FAM135B: variants seen among roughly 807,000 people sequenced by gnomAD.
FAM135B encodes family with sequence similarity 135 member B, also known as protein FAM135B.
Under a neutral mutation model 127.7 loss-of-function variants are expected in FAM135B, and 43 were observed. The observed-to-expected ratio is 0.34, with a 90% CI of 0.26 to 0.43. The LOEUF is 0.43. FAM135B is among the 20% of genes least tolerant of loss of function. The pLI is 1.00. For missense variants in FAM135B, 1,558 were observed against 1,725.6 expected, an observed-to-expected ratio of 0.90 and a Z score of 1.72; for synonymous variants, 670 against 665.1, an observed-to-expected ratio of 1.01 and a Z score of -0.11.
intron 1 of FAM135B, among the ~76,000 whole-genome samples, chr8:138,447,171 A>G (rs1283386172): frequency 6.6e-6 from 1 of 152,100 alleles, no homozygotes; most frequent in Non-Finnish European, 1.5e-5. Context: ...GCTGGAGAGG[A>G]TGTTGAGAGA....
At chr8:138,144,559 A>G (rs1817498532) in intron 15 of FAM135B, among the ~76,000 whole-genome samples, 1 of 152,202 alleles carries the variant, frequency 6.6e-6, no homozygotes, top group Non-Finnish European at 1.5e-5. Flanking sequence ...GCCTGAGTTG[A>G]CCATGATGAG....
At position 138,396,598 on chromosome 8, in the gene FAM135B, CAAT is replaced by C. The variant is rs745357151; in HGVS notation, c.-19-28599_-19-28597del. ...TTTACAGCAATTGTGTGTATAACAACAATGATTAAAGGTAAGGACATTGAAGCC... is the reference window on the plus strand; with the variant it reads ...TTTACAGCAATTGTGTGTATAACAACGATTAAAGGTAAGGACATTGAAGCC... On this transcript the variant is annotated intron_variant, in intron 1 of 19. Coordinates refer to ENST00000395297, the MANE Select transcript of FAM135B (RefSeq NM_015912.4). 4.7e-4 allele frequency among the ~76,000 whole-genome samples: 72 copies of C among 152,258 alleles called. 1 individual carries two copies. Among genetic ancestry groups the C allele is most frequent in the East Asian group, 2.5e-3 (13 of 5,170 alleles).
rs1820892468 is a variant in FAM135B, at chr8:138,242,485, TACA to T, written c.669+454_669+456del. 6.6e-6 allele frequency among the ~76,000 whole-genome samples: 1 copy of T among 152,086 alleles called. No individual in the cohort carries two copies. The stretch of plus-strand genomic sequence containing the variant: ...ACCGGGCTAGGAACTTTACATTTAT[TACA>T]ACATTTGGGTACATATAACACTCCA... On this transcript the variant is annotated intron_variant, in intron 7 of 19. Coordinates refer to ENST00000395297, the MANE Select transcript of FAM135B (RefSeq NM_015912.4). The surrounding 1 kb of genome is among the most constrained non-coding windows in gnomAD (Gnocchi z 9.6).
At chr8:138,479,512 A>T (rs1466135183) in intron 1 of FAM135B, among the ~76,000 whole-genome samples, 2 of 152,156 alleles carry the variant, frequency 1.3e-5, no homozygotes, top group Non-Finnish European at 2.9e-5. Flanking sequence ...TTTCATCTTT[A>T]TTGCTCTTAC....
intron 1 of FAM135B, among the ~76,000 whole-genome samples, chr8:138,488,509 G>C (rs545851128): frequency 6.6e-6 from 1 of 152,092 alleles, no homozygotes; most frequent in East Asian, 1.9e-4. Context: ...ACTACAAAGA[G>C]GGGACTTAGG....
chr8:138,197,117 G>A (rs7464512), intron 8 of FAM135B, among the ~76,000 whole-genome samples: 8,761 of 41,424 alleles, frequency 0.21, 619 homozygotes, highest in African/African-American at 0.36. Flanking sequence ...GTGTGTGTGT[G>A]TATATATATA....
intron 2 of FAM135B, among the ~76,000 whole-genome samples, chr8:138,316,417 C>T (rs1437826778): frequency 6.6e-6 from 1 of 151,646 alleles, no homozygotes; most frequent in African/African-American, 2.4e-5. Flanking sequence ...TGGCGTGAAC[C>T]CGGAAGGCGG....
intron 11 of FAM135B, 147 bp from the exon 12 acceptor site, chr8:138,168,196 C>A (rs1238323148): frequency 2.2e-5 from 20 of 921,192 alleles, no homozygotes; most frequent in Middle Eastern, 3.5e-4. Flanking sequence ...CACCCACCTA[C>A]TTAGCCCCCA....
intron 3 of FAM135B, among the ~76,000 whole-genome samples, chr8:138,295,902 C>A (rs567992419): frequency 1.3e-5 from 2 of 152,106 alleles, no homozygotes; most frequent in South Asian, 4.2e-4. Context: ...AATTGAGGGG[C>A]AAAAGCACAT....
chr8:138,318,016 A>T (rs1298125005), intron 2 of FAM135B, among the ~76,000 whole-genome samples: 1 of 152,260 alleles, frequency 6.6e-6, no homozygotes, highest in Non-Finnish European at 1.5e-5. Flanking sequence ...GTAATAAAAC[A>T]TCTTTAAAAT....
chr8:138,355,585 G>C (rs1830044220), intron 2 of FAM135B, among the ~76,000 whole-genome samples: 2 of 152,162 alleles, frequency 1.3e-5, no homozygotes, highest in Admixed American at 1.3e-4. Flanking sequence ...AGTTGGTTAA[G>C]AAAGTATCTC....
intron 3 of FAM135B, among the ~76,000 whole-genome samples, chr8:138,267,570 GAA>G (rs60418620): frequency 8.0e-5 from 9 of 112,888 alleles, no homozygotes; most frequent in South Asian, 5.8e-4. Flanking sequence ...TGGGAGCCAA[GAA>G]AAAAAAAAAA....
At chr8:138,432,559 A>C (rs1835252944) in intron 1 of FAM135B, among the ~76,000 whole-genome samples, 1 of 151,658 alleles carries the variant, frequency 6.6e-6, no homozygotes, top group Non-Finnish European at 1.5e-5. Flanking sequence ...ATATAGAGAG[A>C]GTTATACAGG....
chr8:138,280,058 G>C (rs1387018270), intron 3 of FAM135B, among the ~76,000 whole-genome samples: 1 of 152,084 alleles, frequency 6.6e-6, no homozygotes, highest in African/African-American at 2.4e-5. Context: ...TAGGAACTGG[G>C]GCCTCAGAGA....
At chr8:138,244,054 C>A (rs1162841946) in intron 6 of FAM135B, among the ~76,000 whole-genome samples, 1 of 152,124 alleles carries the variant, frequency 6.6e-6, no homozygotes, top group Non-Finnish European at 1.5e-5. Flanking sequence ...ATCCAGGTTC[C>A]TGCTTAAAAT....
At chr8:138,226,401 A>C (rs1478280457) in intron 7 of FAM135B, among the ~76,000 whole-genome samples, 1 of 152,100 alleles carries the variant, frequency 6.6e-6, no homozygotes, top group East Asian at 1.9e-4. Flanking sequence ...GAACCTGACA[A>C]ACCTAGGAGT....
chr8:138,153,662 C>T (rs1306304857), intron 12 of FAM135B, among the ~76,000 whole-genome samples: 1 of 152,170 alleles, frequency 6.6e-6, no homozygotes, highest in African/African-American at 2.4e-5. Flanking sequence ...CTTGGAGGGT[C>T]CTACACCCAT....
chr8:138,289,681 C>G (rs554112911), intron 3 of FAM135B, among the ~76,000 whole-genome samples: 1 of 152,298 alleles, frequency 6.6e-6, no homozygotes, highest in Non-Finnish European at 1.5e-5. Flanking sequence ...TTCTCTTTTG[C>G]CCCAGTTATG....
At chr8:138,365,507 G>T (rs549344649) in intron 2 of FAM135B, among the ~76,000 whole-genome samples, 1 of 152,122 alleles carries the variant, frequency 6.6e-6, no homozygotes, top group African/African-American at 2.4e-5. Flanking sequence ...ATATCAAATA[G>T]TTTTTAAAAT....
Sources: gnomAD v4.1 joint callset for allele counts (sites outside exome capture counted in the v4.1 genomes callset) on GRCh38, gnomAD v4.1.1 for gene constraint, Gnocchi (gnomAD v3.1) non-coding constraint, MANE v1.5 for transcripts, NCBI Gene and HGNC (gene_info 2026-07-23, HGNC 2026-07-21) for gene names.